The following COLGALT2 variants were observed in gnomAD, a reference collection of about 807,000 sequenced individuals.
COLGALT2 encodes collagen beta(1-O)galactosyltransferase 2.
Under a neutral mutation model 73.4 loss-of-function variants are expected in COLGALT2, and 49 were observed. The ratio of observed to expected loss-of-function variants is 0.67; its 90% confidence interval spans 0.53 to 0.85. The LOEUF (loss-of-function observed/expected upper bound fraction) is 0.85, where lower values mean the gene tolerates loss of function less well. Among genes scored for constraint, COLGALT2 ranks in the 40% least tolerant of loss-of-function variants. The probability of loss-of-function intolerance (pLI) is 0.00; values close to 1 mark genes in which losing one functional copy is unlikely to be tolerated. For synonymous variants in COLGALT2, 295 were observed against 307.6 expected (o/e 0.96, Z 0.43); for missense variants, 722 against 790.2 (o/e 0.91, Z 1.03).
At chr1:183,961,879 G>A (rs376786009) in intron 6 of COLGALT2, among the ~76,000 whole-genome samples, 32 of 152,212 alleles carry the variant, frequency 2.1e-4, no homozygotes, top group African/African-American at 5.3e-4. Flanking sequence ...AAAGAAATTC[G>A]CAAAGGAGAT....
intron 1 of COLGALT2, among the ~76,000 whole-genome samples, chr1:184,017,814 A>G (rs1193692550): frequency 6.6e-6 from 1 of 152,170 alleles, no homozygotes; most frequent in East Asian, 1.9e-4. Flanking sequence ...TGTCCTAAGC[A>G]TGGCACTCCG....
chr1:183,950,451 TA>T (rs1285099025), intron 8 of COLGALT2, among the ~76,000 whole-genome samples: 2 of 136,532 alleles, frequency 1.5e-5, no homozygotes, highest in Non-Finnish European at 3.2e-5. Flanking sequence ...GGGTGTCAAA[TA>T]AAAGGGCAAA....
Position 183,937,852 on chromosome 1 carries a change from C to G in COLGALT2, c.*909G>C, listed in dbSNP as rs1043028352. 1.0e-6 allele frequency: 1 copy of G among 985,456 alleles called. No individual in the cohort carries two copies. Among genetic ancestry groups the G allele is most frequent in the African/African-American group, 1.7e-5 (1 of 57,364 alleles). 61.0% of individuals were successfully genotyped at this position (985,456 alleles called of 1,614,324 possible). On this transcript the variant is annotated 3_prime_UTR_variant, in exon 12 of 12. Coordinates refer to ENST00000361927, the MANE Select transcript of COLGALT2 (RefSeq NM_015101.4). The stretch of plus-strand genomic sequence containing the variant: ...TGTCTCTTAGCAGTGACTCACAGAA[C>G]TCACACCTGCGGTGGGTTCCCAGGC...
chr1:183,968,054 T>C (rs577137416), intron 5 of COLGALT2, among the ~76,000 whole-genome samples: 1 of 152,330 alleles, frequency 6.6e-6, no homozygotes, highest in East Asian at 1.9e-4. Flanking sequence ...GATGTGTGAA[T>C]TGTAGCTTGA....
At chr1:184,029,620 T>C (rs1308357276) in intron 1 of COLGALT2, among the ~76,000 whole-genome samples, 1 of 152,248 alleles carries the variant, frequency 6.6e-6, no homozygotes, top group African/African-American at 2.4e-5. Context: ...GCTGGTTACA[T>C]GGCATGTTTT....
chr1:183,983,010 C>CTT (rs1271884978), intron 1 of COLGALT2, among the ~76,000 whole-genome samples: 2 of 152,236 alleles, frequency 1.3e-5, no homozygotes, highest in African/African-American at 4.8e-5. Flanking sequence ...GCATCCACTC[C>CTT]TGATGAACAT....
chr1:183,934,256 A>G (rs1444678990), downstream of COLGALT2, among the ~76,000 whole-genome samples: 1 of 152,186 alleles, frequency 6.6e-6, no homozygotes, highest in African/African-American at 2.4e-5. Flanking sequence ...ATCTTTTGTA[A>G]TATAATGTAC....
intron 1 of COLGALT2, among the ~76,000 whole-genome samples, chr1:184,002,428 A>G (rs1340573509): frequency 6.6e-6 from 1 of 152,246 alleles, no homozygotes; most frequent in Admixed American, 6.5e-5. Flanking sequence ...AAGAAGAAAC[A>G]GCAAAGGGGA....
chr1:183,985,503 C>T (rs1008863199), intron 1 of COLGALT2, among the ~76,000 whole-genome samples: 4 of 152,086 alleles, frequency 2.6e-5, no homozygotes, highest in Non-Finnish European at 5.9e-5. Context: ...AACTCCTGAT[C>T]CTCAGGTGAT....
chr1:183,944,122 G>C, intron 10 of COLGALT2, 74 bp downstream of exon 10: 1 of 1,478,870 alleles, frequency 6.8e-7, no homozygotes, highest in Non-Finnish European at 9.0e-7. Context: ...TGGCTGTGGA[G>C]GTGGGGCTCT....
Position 183,963,899 on chromosome 1 carries a change from A to G in COLGALT2, c.952+2T>C, listed in dbSNP as rs764508554. 1 of 1,600,678 alleles carries G rather than the reference A, an allele frequency of 6.2e-7. No individual in the cohort carries two copies. The highest frequency in any genetic ancestry group is 1.3e-5 in the African/African-American group (1 of 74,422). On this transcript the variant is annotated splice_donor_variant, in intron 6 of 11. Transcript: ENST00000361927. LOFTEE classifies it high-confidence loss of function. ...CATCCCCTCTGCTCCTGGGTCACTC[A>G]CTCATTGCTTCAATCTGCACATGGA...
intron 5 of COLGALT2, among the ~76,000 whole-genome samples, chr1:183,964,969 T>A (rs559435868): frequency 3.3e-5 from 5 of 152,362 alleles, no homozygotes; most frequent in African/African-American, 1.2e-4. Flanking sequence ...TAGGGACTCC[T>A]CTATTTTGTG....
intron 6 of COLGALT2, among the ~76,000 whole-genome samples, chr1:183,963,130 C>T (rs187203471): frequency 7.2e-5 from 11 of 152,336 alleles, no homozygotes; most frequent in African/African-American, 2.6e-4. Flanking sequence ...AGCATAGCTA[C>T]TGATGACTGA....
intron 6 of COLGALT2, among the ~76,000 whole-genome samples, chr1:183,956,792 T>A (rs970042774): frequency 1.2e-4 from 18 of 151,712 alleles, no homozygotes; most frequent in African/African-American, 4.4e-4. Flanking sequence ...TGAGCAAAAA[T>A]ATCAGAGAAG....
At chr1:183,984,822 T>C (rs1671445280) in intron 1 of COLGALT2, among the ~76,000 whole-genome samples, 1 of 152,186 alleles carries the variant, frequency 6.6e-6, no homozygotes, top group African/African-American at 2.4e-5. Context: ...GATTCAAAAT[T>C]GAATTAGGAC....
chr1:183,949,190 CA>C (rs1670328230), intron 8 of COLGALT2, among the ~76,000 whole-genome samples: 1 of 152,130 alleles, frequency 6.6e-6, no homozygotes, highest in East Asian at 1.9e-4. Flanking sequence ...CAATTCCTAT[CA>C]AAATCCCAGC....
At chr1:183,930,206 TCTC>T in exon 12 of COLGALT2, 1 of 455,904 alleles carries the variant, frequency 2.2e-6, no homozygotes, top group Non-Finnish European at 4.4e-6. Context: ...GGTAATGCCT[TCTC>T]CTAGGGTGCA....
intron 1 of COLGALT2, among the ~76,000 whole-genome samples, chr1:184,004,169 T>C (rs916274481): frequency 2.0e-5 from 3 of 152,154 alleles, no homozygotes; most frequent in African/African-American, 7.2e-5. Context: ...AAAATCCATG[T>C]CTAGTTTATC....
At chr1:184,002,374 T>C (rs1288356973) in intron 1 of COLGALT2, among the ~76,000 whole-genome samples, 1 of 152,174 alleles carries the variant, frequency 6.6e-6, no homozygotes, top group East Asian at 1.9e-4. Context: ...CCGTTCTTTA[T>C]GAAAGGATTT....
Sources: gnomAD v4.1 joint callset for allele counts (sites outside exome capture counted in the v4.1 genomes callset) on GRCh38, gnomAD v4.1.1 for gene constraint, MANE v1.5 for transcripts, NCBI Gene and HGNC (gene_info 2026-07-23, HGNC 2026-07-21) for gene names.